The following PBLD variants were observed in gnomAD, a reference collection of about 807,000 sequenced individuals.
PBLD encodes phenazine biosynthesis like protein domain containing.
A neutral mutation model predicts 31.3 loss-of-function variants in PBLD; 26 were observed. The observed-to-expected ratio is 0.83, with a 90% CI of 0.61 to 1.15. The LOEUF is 1.15. PBLD is among the 50% of genes most tolerant of loss of function. The pLI is 0.00. For synonymous variants in PBLD, 114 were observed against 129.0 expected (o/e 0.88, Z 0.79); for missense variants, 307 against 351.7 (o/e 0.87, Z 1.02).
chr10:68,298,668 A>G (rs1220947471), intron 2 of PBLD, among the ~76,000 whole-genome samples: 2 of 152,058 alleles, frequency 1.3e-5, no homozygotes, highest in African/African-American at 4.8e-5. Context: ...AAGTCATTTA[A>G]TCTTATGGCC....
intron 1 of PBLD, among the ~76,000 whole-genome samples, chr10:68,325,232 A>G (rs2044900117): frequency 6.6e-6 from 1 of 151,976 alleles, no homozygotes; most frequent in Non-Finnish European, 1.5e-5. Context: ...TGACAAAACA[A>G]GACTCCGTCT....
intron 1 of PBLD, among the ~76,000 whole-genome samples, chr10:68,327,480 C>G (rs532327638): frequency 2.6e-5 from 4 of 151,686 alleles, no homozygotes; most frequent in African/African-American, 7.3e-5. Flanking sequence ...GAGTTCAAGA[C>G]CAGCCTGATC....
chr10:68,317,433 A>T (rs1421689292), intron 1 of PBLD, among the ~76,000 whole-genome samples: 1 of 152,166 alleles, frequency 6.6e-6, no homozygotes, highest in Non-Finnish European at 1.5e-5. Flanking sequence ...AAAATCACTA[A>T]TCATTAGGGA....
In PBLD at chr10:68,300,068, T is replaced by C. The variant is rs539759633; in HGVS notation, c.85-3083A>G. Among the ~76,000 whole-genome samples the C allele has an allele frequency of 5.9e-5, 9 of 152,038 alleles. No individual in the cohort carries two copies. In the South Asian group the frequency reaches 1.9e-3, roughly 32 times the overall value. On this transcript the variant is annotated intron_variant, in intron 2 of 9. Coordinates refer to ENST00000358769, the MANE Select transcript of PBLD (RefSeq NM_022129.4). ...ACCATGCCCAGCTAATTTTTTGTAT[T>C]TTAGTAGAGATGGAGTTTCACCATG...
intron 1 of PBLD, among the ~76,000 whole-genome samples, chr10:68,327,893 C>A (rs147149612): frequency 6.6e-6 from 1 of 152,182 alleles, no homozygotes; most frequent in East Asian, 1.9e-4. Context: ...TAATTATTTT[C>A]AAAAATTAGA....
chr10:68,321,805 C>A (rs1046141816), intron 1 of PBLD, among the ~76,000 whole-genome samples: 1 of 152,170 alleles, frequency 6.6e-6, no homozygotes, highest in Non-Finnish European at 1.5e-5. Context: ...AGAAGCAACA[C>A]GGTATTGGAT....
At position 68,296,358 on chromosome 10, in the gene PBLD, CA is replaced by C. The variant is rs2044427674; in HGVS notation, c.190del (p.Cys64AlafsTer4). The C allele has an allele frequency of 6.2e-7, 1 of 1,612,952 alleles. No individual in the cohort carries two copies. The highest frequency in any genetic ancestry group is 1.7e-5 in the Admixed American group (1 of 59,892). ...HPTDNFAQSS[C>X]FGLRWFTPAS... is the part of the protein sequence containing the mutation. ...TGGTGTAAACCATCTCAGTCCAAAG[CA>C]GGAACCTGAGGATAGGAAAAGCCAA... On this transcript the variant is annotated frameshift_variant, in exon 4 of 10. Transcript: ENST00000358769. LOFTEE classifies it high-confidence loss of function.
chr10:68,323,920 T>C (rs73274709), intron 1 of PBLD, among the ~76,000 whole-genome samples: 6,523 of 152,254 alleles, frequency 0.043, 481 homozygotes, highest in African/African-American at 0.15. Flanking sequence ...TATATGTCAA[T>C]GAATGCCAAA....
chr10:68,316,368 G>A (rs2044736300), intron 1 of PBLD, among the ~76,000 whole-genome samples: 1 of 151,970 alleles, frequency 6.6e-6, no homozygotes, highest in African/African-American at 2.4e-5. Context: ...TAATTAGAGA[G>A]GTCCAACAGC....
At chr10:68,301,611 T>C (rs879625186) in intron 2 of PBLD, among the ~76,000 whole-genome samples, 3 of 152,188 alleles carry the variant, frequency 2.0e-5, no homozygotes, top group Admixed American at 2.0e-4. Flanking sequence ...AAACCTAAAG[T>C]GCCTGTCAGT....
intron 2 of PBLD, among the ~76,000 whole-genome samples, chr10:68,298,059 A>G (rs1428929511): frequency 2.0e-5 from 3 of 151,568 alleles, no homozygotes; most frequent in African/African-American, 4.8e-5. Context: ...TGAGACCAGG[A>G]GTTCAAGACC....
At chr10:68,324,666 G>A (rs1245721954) in intron 1 of PBLD, among the ~76,000 whole-genome samples, 3 of 151,544 alleles carry the variant, frequency 2.0e-5, no homozygotes, top group Admixed American at 2.0e-4. Flanking sequence ...CCAGACTGGA[G>A]TGCAGTGGCA....
intron 1 of PBLD, among the ~76,000 whole-genome samples, chr10:68,319,318 T>C (rs2044796906): frequency 6.6e-6 from 1 of 152,168 alleles, no homozygotes; most frequent in African/African-American, 2.4e-5. Context: ...AACTCTACCT[T>C]ATCAGTAATT....
intron 1 of PBLD, among the ~76,000 whole-genome samples, chr10:68,318,113 G>A (rs2044761149): frequency 1.3e-5 from 2 of 151,842 alleles, no homozygotes; most frequent in South Asian, 4.1e-4. Flanking sequence ...TGTAGTCCCA[G>A]CTACTTGGGA....
rs1246006556 is a variant in PBLD, at chr10:68,288,998, C to T, written c.445G>A (p.Val149Ile). 1 of 1,614,076 alleles carries T rather than the reference C, an allele frequency of 6.2e-7. No homozygotes were observed. The highest frequency in any genetic ancestry group is 1.7e-5 in the Admixed American group (1 of 60,008). ...LIKTAIGNTL[V>I]QDICYSPDTQ... ...TCTGGAGAATAACAGATGTCCTGGA[C>T]CAGTGTGTTGCCTATGGCAGTCTGT... The change falls in exon 7 of 10, where the codon GTC (valine) becomes ATC (isoleucine). Residue 149 changes from valine to isoleucine, a missense_variant. By Grantham distance (29) the Val-to-Ile change is conservative (BLOSUM62 3). Transcript: ENST00000358769.
intron 1 of PBLD, among the ~76,000 whole-genome samples, chr10:68,318,560 T>A (rs2044770153): frequency 6.7e-6 from 1 of 150,240 alleles, no homozygotes; most frequent in African/African-American, 2.4e-5. Flanking sequence ...AAAGCAATAG[T>A]CATAAATCTA....
At chr10:68,290,145 A>G (rs10762205) in intron 6 of PBLD, among the ~76,000 whole-genome samples, 2 of 151,858 alleles carry the variant, frequency 1.3e-5, no homozygotes, top group Non-Finnish European at 2.9e-5. Context: ...CACCAGCCCC[A>G]GCTGCCAGGC....
At chr10:68,315,306 C>G (rs916983635) in intron 1 of PBLD, among the ~76,000 whole-genome samples, 2 of 152,066 alleles carry the variant, frequency 1.3e-5, no homozygotes, top group Non-Finnish European at 2.9e-5. Flanking sequence ...CTCTGATGAC[C>G]AGGCATGGTG....
chr10:68,292,469 C>T (rs117508510), intron 4 of PBLD, among the ~76,000 whole-genome samples: 6 of 151,954 alleles, frequency 3.9e-5, no homozygotes, highest in Non-Finnish European at 7.4e-5. Flanking sequence ...GGCTTCAGAT[C>T]CCAGCTCTTT....
Sources: allele counts gnomAD v4.1 joint callset (sites outside exome capture counted in the v4.1 genomes callset), GRCh38; gene constraint gnomAD v4.1.1; transcripts MANE v1.5; gene names NCBI Gene and HGNC (gene_info 2026-07-23, HGNC 2026-07-21).